Variants in DMXL2 observed in about 807,000 individuals in gnomAD.
DMXL2 encodes the protein dmX-like protein 2.
Under a neutral mutation model 331.1 loss-of-function variants are expected in DMXL2, and 103 were observed. The ratio of observed to expected loss-of-function variants is 0.31; its 90% CI spans 0.27 to 0.37. DMXL2 has a LOEUF of 0.37. Among genes scored for constraint, DMXL2 ranks in the 10% least tolerant of loss-of-function variants. The pLI, the probability that DMXL2 is intolerant of heterozygous loss-of-function variation, is 1.00. For synonymous variants in DMXL2, 1,281 were observed against 1,252.1 expected (o/e 1.02, Z -0.49); for missense variants, 3,171 against 3,642.9 (o/e 0.87, Z 3.33).
At position 51,450,176 on chromosome 15, in the gene DMXL2, G is replaced by T; in HGVS notation, c.8920C>A (p.Pro2974Thr). The T allele has an allele frequency of 6.2e-7, 1 of 1,613,796 alleles. No homozygotes were observed. Among genetic ancestry groups the T allele is most frequent in the Non-Finnish European group, 8.5e-7 (1 of 1,179,972 alleles). ...CCTGTGGTAAAATATTCCTCATAGG[G>T]ATCCAAGGCCAGAGCCTTAATAGCT... is the stretch of plus-strand genomic sequence containing the variant. ...DSAIKALALD[P>T]YEEYFTTGSA... is the part of the protein sequence containing the mutation. The change falls in exon 43 of 44, where the codon CCC (proline) becomes ACC (threonine). Residue 2974 changes from proline (P) to threonine (T), a missense_variant. Coordinates refer to ENST00000560891, the MANE Select transcript of DMXL2 (RefSeq NM_001378457.1).
rs147819747 is a variant in DMXL2, at chr15:51,502,755, A to G, written c.2992+51T>C. 61 of 1,217,000 alleles carry G rather than the reference A, an allele frequency of 5.0e-5. 1 individual carries two copies. In the African/African-American group the frequency reaches 7.2e-4, roughly 14 times the overall value. The allele number at this position is 1,217,000 out of a possible 1,614,324, so 75.4% of individuals were successfully genotyped here. The stretch of plus-strand genomic sequence containing the variant: ...ATCTATTTTATCCACTAAAGAGTTC[A>G]TATATTTTATCACTCTGAGCTACCA... On this transcript the variant is annotated intron_variant, in intron 17 of 43. Coordinates refer to ENST00000560891, the MANE Select transcript of DMXL2 (RefSeq NM_001378457.1).
At chr15:51,607,034 T>A (rs1162318666) in intron 1 of DMXL2, among the ~76,000 whole-genome samples, 1 of 152,120 alleles carries the variant, frequency 6.6e-6, no homozygotes, top group Admixed American at 6.5e-5. Flanking sequence ...GATGGATGCC[T>A]GTAATCCCAG....
chr15:51,528,755 A>G (rs1483044252), intron 13 of DMXL2, among the ~76,000 whole-genome samples: 1 of 152,138 alleles, frequency 6.6e-6, no homozygotes, highest in Non-Finnish European at 1.5e-5. Context: ...AATCTGTACT[A>G]TCAAAAACAA....
At chr15:51,450,415 C>G (rs1054804540) in intron 42 of DMXL2, 69 bp from the exon 43 acceptor site, 1 of 1,446,264 alleles carries the variant, frequency 6.9e-7, no homozygotes, top group Non-Finnish European at 9.7e-7. Context: ...ATGTCTACAT[C>G]CACATTTAAA....
intron 1 of DMXL2, among the ~76,000 whole-genome samples, chr15:51,621,575 C>T (rs1461522894): frequency 6.6e-6 from 1 of 152,212 alleles, no homozygotes; most frequent in Non-Finnish European, 1.5e-5. Flanking sequence ...GTAAACGAAG[C>T]TCCAAGGCTT....
rs772703047 is a variant in DMXL2, at chr15:51,514,460, A to T, written c.2626T>A (p.Phe876Ile). 1 of 1,564,974 alleles carries T rather than the reference A, an allele frequency of 6.4e-7. No individual in the cohort carries two copies. Among genetic ancestry groups the T allele is most frequent in the Admixed American group, 1.8e-5 (1 of 54,288 alleles). Residue 876 changes from phenylalanine to isoleucine, a missense_variant, in exon 15 of 44, where the codon TTT becomes ATT. Phe to Ile is a conservative substitution (Grantham distance 21). Coordinates refer to ENST00000560891, the MANE Select transcript of DMXL2 (RefSeq NM_001378457.1). The stretch of plus-strand genomic sequence containing the variant: ...AAAGTACCTTGTGATGGCTGAAAAA[A>T]TATTTCTGTTTCCTTTTTCTCCATA... ...EDMEKKETEIFFQPSQGYRPP... is the reference protein window; with the variant it reads ...EDMEKKETEIIFQPSQGYRPP...
Position 51,514,542 on chromosome 15 carries a change from C to T in DMXL2, c.2544G>A (p.Gln848=), listed in dbSNP as rs149721556. ...AITNQCGSNT[Q]LLHVFQEDFI... ...AGTCTTCTTGAAACACATGAAGCAA[C>T]TGTGTATTTGAGCCACACTACAAAT... is the stretch of plus-strand genomic sequence containing the variant. The change falls in exon 15 of 44, where the codon CAG becomes CAA. Residue 848 remains glutamine, a synonymous_variant. Coordinates refer to ENST00000560891, the MANE Select transcript of DMXL2 (RefSeq NM_001378457.1). The T allele has an allele frequency of 1.6e-5, 25 of 1,588,822 alleles. No homozygotes were observed.
chr15:51,548,473 G>C (rs1158747433), intron 6 of DMXL2, among the ~76,000 whole-genome samples: 1 of 152,014 alleles, frequency 6.6e-6, no homozygotes, highest in East Asian at 1.9e-4. Flanking sequence ...ACTTAACAAT[G>C]TACTAGTTGC....
intron 1 of DMXL2, among the ~76,000 whole-genome samples, chr15:51,583,407 G>T: frequency 1.4e-5 from 1 of 71,870 alleles, no homozygotes; most frequent in Non-Finnish European, 2.9e-5. Flanking sequence ...ATAGTTTACT[G>T]AGAATGTTGG....
chr15:51,564,798 A>G (rs925003173), intron 4 of DMXL2, among the ~76,000 whole-genome samples: 4 of 152,112 alleles, frequency 2.6e-5, no homozygotes, highest in Admixed American at 2.0e-4. Flanking sequence ...TTTATTTCCA[A>G]TGGTGTTTCT....
At chr15:51,473,027 G>A (rs1028816140) in intron 28 of DMXL2, among the ~76,000 whole-genome samples, 1 of 152,054 alleles carries the variant, frequency 6.6e-6, no homozygotes, top group Non-Finnish European at 1.5e-5. Context: ...ATGGTCCCTG[G>A]GTAGTTCTTG....
chr15:51,460,388 T>G (rs975133070), intron 33 of DMXL2: 1 of 985,266 alleles, frequency 1.0e-6, no homozygotes, highest in African/African-American at 1.7e-5. Context: ...CTGATAAAGA[T>G]GCATCCAAGA....
chr15:51,536,338 T>A lies in DMXL2; in HGVS notation c.2142A>T (p.Thr714=), dbSNP rs778356061. The part of the protein sequence containing the change: ...KQPLRNAATR[T]FHDPNAIYSE... ...TGTAGATTGCATTTGGGTCATGAAA[T>A]GTACGAGTTGCTGCATTTCTAAGAG... Residue 714 remains threonine, a synonymous_variant, in exon 12 of 44, where the codon ACA becomes ACT. Coordinates refer to ENST00000560891, the MANE Select transcript of DMXL2 (RefSeq NM_001378457.1). 1.2e-6 allele frequency: 2 copies of A among 1,614,036 alleles called. 1 individual carries two copies. Among genetic ancestry groups the A allele is most frequent in the East Asian group, 4.5e-5 (2 of 44,878 alleles).
chr15:51,605,835 G>T lies in DMXL2; in HGVS notation c.87+16624C>A, dbSNP rs866071081. 4.7e-5 allele frequency among the ~76,000 whole-genome samples: 2 copies of T among 42,156 alleles called. 1 individual carries two copies. The highest frequency in any genetic ancestry group is 1.3e-4 in the African/African-American group (2 of 14,868). The allele number at this position is 42,156 out of a possible 152,430, so 27.7% of individuals were successfully genotyped here. ...TGGGATTACAGGCGTGAGCCACCGCGCCCGGCCCCAGATTAATATTCTTAA... is the reference window on the plus strand; with the variant it reads ...TGGGATTACAGGCGTGAGCCACCGCTCCCGGCCCCAGATTAATATTCTTAA... On this transcript the variant is annotated intron_variant, in intron 1 of 43. Transcript: ENST00000560891.
At chr15:51,490,904 G>A (rs2140432855) in intron 20 of DMXL2, among the ~76,000 whole-genome samples, 1 of 152,326 alleles carries the variant, frequency 6.6e-6, no homozygotes, top group African/African-American at 2.4e-5. Flanking sequence ...AACTAGTGAT[G>A]CAGAGAGTCC....
chr15:51,517,783 A>G (rs1240361333), intron 13 of DMXL2, among the ~76,000 whole-genome samples: 2 of 152,202 alleles, frequency 1.3e-5, no homozygotes, highest in South Asian at 2.1e-4. Context: ...AAAAAGGCCA[A>G]TAAGAGGGGT....
intron 1 of DMXL2, among the ~76,000 whole-genome samples, chr15:51,582,626 A>G (rs1459962999): frequency 6.6e-6 from 1 of 152,084 alleles, no homozygotes; most frequent in East Asian, 1.9e-4. Flanking sequence ...CCTAATTAAA[A>G]CCCTAGCTCT....
chr15:51,601,667 A>T (rs1414614435), intron 1 of DMXL2, among the ~76,000 whole-genome samples: 1 of 152,176 alleles, frequency 6.6e-6, no homozygotes, highest in Non-Finnish European at 1.5e-5. Flanking sequence ...AACTTTTATA[A>T]GTCTTGAGCT....
intron 16 of DMXL2, among the ~76,000 whole-genome samples, chr15:51,506,236 A>G (rs1234389631): frequency 6.6e-6 from 1 of 151,678 alleles, no homozygotes; most frequent in Non-Finnish European, 1.5e-5. Flanking sequence ...TTAATTTTTT[A>G]TTTTTTTGTA....
Sources: allele counts gnomAD v4.1 joint callset (sites outside exome capture counted in the v4.1 genomes callset), GRCh38; gene constraint gnomAD v4.1.1; transcripts MANE v1.5; gene names NCBI Gene and HGNC (gene_info 2026-07-23, HGNC 2026-07-21).